The following TMEM178B variants were observed in gnomAD, a reference collection of about 807,000 sequenced individuals.
The protein encoded by TMEM178B is transmembrane protein 178B.
Under a neutral mutation model 31.0 loss-of-function variants are expected in TMEM178B, and 5 were observed. The observed-to-expected ratio is 0.16, with a 90% confidence interval of 0.08 to 0.34. The LOEUF is 0.34. Among genes scored for constraint, TMEM178B ranks in the 10% least tolerant of loss-of-function variants. The probability of loss-of-function intolerance (pLI) is 1.00; values close to 1 mark genes in which losing one functional copy is unlikely to be tolerated. For synonymous variants in TMEM178B, 164 were observed against 164.0 expected (o/e 1.00, Z 0.00); for missense variants, 275 against 400.3 (o/e 0.69, Z 2.67).
Position 141,466,670 on chromosome 7 carries a change from A to G in TMEM178B, c.635-3866A>G, listed in dbSNP as rs539481685. On this transcript the variant is annotated intron_variant, in intron 3 of 3. Coordinates refer to ENST00000565468, the MANE Select transcript of TMEM178B (RefSeq NM_001195278.2). ...GACCTCAATCCCATCCACAGCTTCA[A>G]TTTATGAGATGATGACTCAGACCAC... Among the ~76,000 whole-genome samples the G allele has an allele frequency of 3.2e-4, 49 of 152,234 alleles. No homozygotes were observed. In the South Asian group the frequency reaches 6.0e-3, roughly 19 times the overall value.
At chr7:141,226,875 G>A (rs3035761) in intron 2 of TMEM178B, among the ~76,000 whole-genome samples, 4,091 of 15,056 alleles carry the variant, frequency 0.27, 437 homozygotes, top group African/African-American at 0.47. Flanking sequence ...AAAAAAAAAA[G>A]AAAAAGAAAA....
intron 2 of TMEM178B, among the ~76,000 whole-genome samples, chr7:141,319,032 T>G (rs894353704): frequency 6.6e-6 from 1 of 152,196 alleles, no homozygotes; most frequent in African/African-American, 2.4e-5. Context: ...AAAATGTGAT[T>G]CTAGCTGATC....
chr7:141,388,174 G>T (rs1348364366), intron 2 of TMEM178B, among the ~76,000 whole-genome samples: 1 of 152,148 alleles, frequency 6.6e-6, no homozygotes, highest in African/African-American at 2.4e-5. Context: ...AAAGTTCCTG[G>T]AGGTTAGGAG....
chr7:141,365,733 CTT>C (rs1387052936), intron 2 of TMEM178B, among the ~76,000 whole-genome samples: 1 of 152,224 alleles, frequency 6.6e-6, no homozygotes, highest in Non-Finnish European at 1.5e-5. Flanking sequence ...GTCTGTGTCT[CTT>C]GTCTTCTTAT....
chr7:141,482,328 G>A (rs979294554), downstream of TMEM178B, among the ~76,000 whole-genome samples: 5 of 152,096 alleles, frequency 3.3e-5, no homozygotes, highest in Admixed American at 1.3e-4. Flanking sequence ...CCACCTGGGC[G>A]AAGAGCTCTT....
chr7:141,260,436 C>T (rs1402923690), intron 2 of TMEM178B, among the ~76,000 whole-genome samples: 1 of 151,968 alleles, frequency 6.6e-6, no homozygotes, highest in African/African-American at 2.4e-5. Context: ...TTTTTTCCCC[C>T]AGTTCTATCA....
At chr7:141,320,526 G>A (rs1473659628) in intron 2 of TMEM178B, among the ~76,000 whole-genome samples, 4 of 152,128 alleles carry the variant, frequency 2.6e-5, no homozygotes, top group African/African-American at 9.7e-5. Flanking sequence ...TGTCTGGCCC[G>A]TCTCACCTTG....
rs1348874417 is a variant in TMEM178B, at chr7:141,397,360, C to T, written c.497-40248C>T. Among the ~76,000 whole-genome samples the T allele has an allele frequency of 3.3e-5, 5 of 152,272 alleles. No individual in the cohort carries two copies. In the South Asian group the frequency reaches 6.2e-4, roughly 19 times the overall value. Reference sequence around the variant, plus strand: ...GAGGCCATTTGTGCTGTGAAGATCCCTCTGTTGGCAAATCAGGTCAGGAGT... The same window carrying T: ...GAGGCCATTTGTGCTGTGAAGATCCTTCTGTTGGCAAATCAGGTCAGGAGT... On this transcript the variant is annotated intron_variant, in intron 2 of 3. Transcript: ENST00000565468.
At position 141,348,093 on chromosome 7, in the gene TMEM178B, T is replaced by G. The variant is rs557010245; in HGVS notation, c.497-89515T>G. Among the ~76,000 whole-genome samples the G allele has an allele frequency of 1.3e-3, 197 of 152,338 alleles. 1 individual carries two copies. The highest frequency in any genetic ancestry group is 3.5e-3 in the Admixed American group (53 of 15,304). On this transcript the variant is annotated intron_variant, in intron 2 of 3. Transcript: ENST00000565468. ...ATATGCTTTTGTGTCCTTGTGAGATTTTATCAGCCAGGTTATTTTACTTTA... is the reference window on the plus strand; with the variant it reads ...ATATGCTTTTGTGTCCTTGTGAGATGTTATCAGCCAGGTTATTTTACTTTA...
At chr7:141,425,875 C>T (rs1249649620) in intron 2 of TMEM178B, among the ~76,000 whole-genome samples, 1 of 152,110 alleles carries the variant, frequency 6.6e-6, no homozygotes, top group Non-Finnish European at 1.5e-5. Flanking sequence ...GTCTTCTGAC[C>T]CAGAAACCAC....
At chr7:141,102,455 G>A in intron 1 of TMEM178B, among the ~76,000 whole-genome samples, 1 of 152,164 alleles carries the variant, frequency 6.6e-6, no homozygotes, top group South Asian at 2.1e-4. Flanking sequence ...TCAATTGACA[G>A]GGGTTGGTGT....
intron 1 of TMEM178B, among the ~76,000 whole-genome samples, chr7:141,103,959 G>C (rs1310923505): frequency 1.3e-5 from 2 of 152,134 alleles, no homozygotes; most frequent in South Asian, 4.1e-4. Flanking sequence ...TGACAGAAGA[G>C]TATCTTCCCT....
intron 3 of TMEM178B, among the ~76,000 whole-genome samples, chr7:141,447,235 A>T (rs1801776039): frequency 6.6e-6 from 1 of 152,036 alleles, no homozygotes; most frequent in Admixed American, 6.6e-5. Context: ...TGGGAAGGTG[A>T]TAGAGATGGG....
At chr7:141,343,393 T>G (rs1799551760) in intron 2 of TMEM178B, among the ~76,000 whole-genome samples, 1 of 152,166 alleles carries the variant, frequency 6.6e-6, no homozygotes, top group African/African-American at 2.4e-5. Context: ...TCCCCATGTC[T>G]GCCTGTGGCC....
chr7:141,215,912 CTT>C (rs769869162), intron 2 of TMEM178B, among the ~76,000 whole-genome samples: 1 of 26,794 alleles, frequency 3.7e-5, no homozygotes, highest in Non-Finnish European at 1.3e-4. Flanking sequence ...TTCTTTCTTT[CTT>C]TTTTTTTTTT....
chr7:141,112,844 A>G (rs1421004210), intron 1 of TMEM178B, among the ~76,000 whole-genome samples: 1 of 152,190 alleles, frequency 6.6e-6, no homozygotes, highest in Non-Finnish European at 1.5e-5. Flanking sequence ...CCAGGGTGAT[A>G]AATGGCTTTT....
intron 2 of TMEM178B, among the ~76,000 whole-genome samples, chr7:141,376,866 A>G (rs1223569802): frequency 6.6e-6 from 1 of 152,200 alleles, no homozygotes; most frequent in Admixed American, 6.5e-5. Flanking sequence ...GATTAGATTA[A>G]ATTGGAGAGA....
chr7:141,123,318 G>A (rs2270214), intron 1 of TMEM178B, among the ~76,000 whole-genome samples: 47,871 of 152,142 alleles, frequency 0.31, 8,061 homozygotes, highest in South Asian at 0.53. Context: ...TGCCAAGACT[G>A]GTGGTGTCAC....
chr7:141,203,283 T>G (rs1303031989), intron 1 of TMEM178B, among the ~76,000 whole-genome samples: 6 of 152,170 alleles, frequency 3.9e-5, no homozygotes, highest in Non-Finnish European at 7.3e-5. Context: ...CTTCCATATA[T>G]TAAGTGCAGG....
Sources: allele counts gnomAD v4.1 joint callset (sites outside exome capture counted in the v4.1 genomes callset), GRCh38; gene constraint gnomAD v4.1.1; transcripts MANE v1.5; gene names NCBI Gene and HGNC (gene_info 2026-07-23, HGNC 2026-07-21).